HS6ST3: variants seen among roughly 807,000 people sequenced by gnomAD.
HS6ST3 encodes the protein heparan sulfate 6-O-sulfotransferase 3.
Under a neutral mutation model 36.7 loss-of-function variants are expected in HS6ST3, and 12 were observed. The observed-to-expected ratio is 0.33, with a 90% CI of 0.21 to 0.53. HS6ST3 has a LOEUF of 0.53. HS6ST3 is among the 20% of genes least tolerant of loss of function. The pLI is 0.95. For missense variants in HS6ST3, 584 were observed against 640.9 expected, an observed-to-expected ratio of 0.91 and a Z score of 0.96; for synonymous variants, 240 against 257.5, an observed-to-expected ratio of 0.93 and a Z score of 0.65.
In HS6ST3 at chr13:96,091,029, G is replaced by T. The variant is rs1409215736; in HGVS notation, c.167G>T (p.Arg56Leu). ...AGPPAVPGPA[R>L]RAQAPPEEWE... ...CCGCCCGCCGTCCCGGGTCCCGCCCGCCGGGCTCAGGCGCCGCCGGAGGAG... is the reference window on the plus strand; with the variant it reads ...CCGCCCGCCGTCCCGGGTCCCGCCCTCCGGGCTCAGGCGCCGCCGGAGGAG... Residue 56 changes from arginine (R) to leucine (L), a missense_variant, in exon 1 of 2, where the codon CGC becomes CTC. Physicochemically the swap from Arg to Leu is moderately radical, Grantham distance 102 (BLOSUM62 -2). This residue lies in a region of HS6ST3 where 217 missense variants were observed against 205.4 expected (regional missense o/e 1.06). Transcript: ENST00000376705. 6 of 1,246,860 alleles carry T rather than the reference G, an allele frequency of 4.8e-6. No individual in the cohort carries two copies. The South Asian group carries it at 1.5e-4, about 31-fold the overall frequency. The allele number at this position is 1,246,860 out of a possible 1,614,324, so 77.2% of individuals were successfully genotyped here.
rs139451607 is a variant in HS6ST3 at position 96,412,892 on chromosome 13, A to G, written c.707+321323A>G. On this transcript the variant is annotated intron_variant, in intron 1 of 1. Coordinates refer to ENST00000376705, the MANE Select transcript of HS6ST3 (RefSeq NM_153456.4). The stretch of plus-strand genomic sequence containing the variant: ...ACATATATAAGCCTTGGGCATAGTG[A>G]GTAATCAATATTTATTGAATGAACA... 3.0e-3 allele frequency among the ~76,000 whole-genome samples: 457 copies of G among 149,968 alleles called. 3 individuals are homozygous for G. The highest frequency in any genetic ancestry group is 0.011 in the African/African-American group (437 of 41,354).
At chr13:96,516,690 T>A (rs1299384809) in intron 1 of HS6ST3, among the ~76,000 whole-genome samples, 2 of 152,224 alleles carry the variant, frequency 1.3e-5, no homozygotes, top group African/African-American at 2.4e-5. Context: ...AGAATTTCAA[T>A]GAACACATTT....
At chr13:96,098,666 T>TA (rs113515964) in intron 1 of HS6ST3, among the ~76,000 whole-genome samples, 15 of 151,304 alleles carry the variant, frequency 9.9e-5, no homozygotes, top group Middle Eastern at 3.4e-3. Flanking sequence ...TAAAAATAAA[T>TA]AAATAAAATA....
intron 1 of HS6ST3, among the ~76,000 whole-genome samples, chr13:96,538,827 T>A (rs141087809): frequency 1.3e-5 from 2 of 152,234 alleles, no homozygotes; most frequent in African/African-American, 4.8e-5. Flanking sequence ...CTAAAAATAT[T>A]TGCGCCTTTT....
chr13:96,665,191 T>C (rs2056659498), intron 1 of HS6ST3, among the ~76,000 whole-genome samples: 1 of 152,000 alleles, frequency 6.6e-6, no homozygotes, highest in African/African-American at 2.4e-5. Context: ...AATAAATAAA[T>C]AAACAAGGCC....
At chr13:96,690,708 C>G (rs1231847873) in intron 1 of HS6ST3, among the ~76,000 whole-genome samples, 1 of 152,062 alleles carries the variant, frequency 6.6e-6, no homozygotes, top group African/African-American at 2.4e-5. Context: ...GTGCAGCAAT[C>G]ATTACTCTGC....
chr13:96,732,828 T>C (rs1876194402), intron 1 of HS6ST3, among the ~76,000 whole-genome samples: 1 of 100,906 alleles, frequency 9.9e-6, no homozygotes, highest in Non-Finnish European at 2.0e-5. Context: ...TCCATCAACG[T>C]TTTATAGTTT....
At chr13:96,263,336 T>C (rs1296307145) in intron 1 of HS6ST3, among the ~76,000 whole-genome samples, 2 of 152,116 alleles carry the variant, frequency 1.3e-5, no homozygotes, top group Non-Finnish European at 2.9e-5. Flanking sequence ...CCTTTGAGAG[T>C]TCAAGGAGCC....
rs563526558 is a variant in HS6ST3 at position 96,293,187 on chromosome 13, A to C, written c.707+201618A>C. 2.6e-5 allele frequency among the ~76,000 whole-genome samples: 4 copies of C among 152,252 alleles called. No homozygotes were observed. In the South Asian group the frequency reaches 8.3e-4, roughly 32 times the overall value. On this transcript the variant is annotated intron_variant, in intron 1 of 1. Coordinates refer to ENST00000376705, the MANE Select transcript of HS6ST3 (RefSeq NM_153456.4). ...TAGGAGCATGACCATCTTTTATTTGATATTTCTTCAGAATAAAATAGGAAC... is the reference window on the plus strand; with the variant it reads ...TAGGAGCATGACCATCTTTTATTTGCTATTTCTTCAGAATAAAATAGGAAC...
intron 1 of HS6ST3, among the ~76,000 whole-genome samples, chr13:96,403,590 G>C (rs1329796720): frequency 6.6e-6 from 1 of 151,574 alleles, no homozygotes; most frequent in Admixed American, 6.6e-5. Flanking sequence ...GTCTCTTCAA[G>C]AAGAAAAAAA....
chr13:96,224,145 C>T (rs1003448425), intron 1 of HS6ST3, among the ~76,000 whole-genome samples: 1 of 152,100 alleles, frequency 6.6e-6, no homozygotes, highest in Non-Finnish European at 1.5e-5. Context: ...TCGAGATGTT[C>T]TAATTTCCGA....
intron 1 of HS6ST3, among the ~76,000 whole-genome samples, chr13:96,802,970 A>G (rs1179857796): frequency 1.3e-5 from 2 of 152,192 alleles, no homozygotes; most frequent in African/African-American, 2.4e-5. Flanking sequence ...ACATCAGTAC[A>G]TAACCTCCCT....
At position 96,568,708 on chromosome 13, in the gene HS6ST3, C is replaced by T. The variant is rs72642774; in HGVS notation, c.708-263782C>T. Among the ~76,000 whole-genome samples the T allele has an allele frequency of 5.0e-3, 765 of 152,294 alleles. 7 individuals are homozygous for T. Among genetic ancestry groups the T allele is most frequent in the Middle Eastern group, 0.014 (4 of 294 alleles). The stretch of plus-strand genomic sequence containing the variant: ...ACACAGGGTTTGGGAATGGATTATA[C>T]ATACCATATGCCATATATTTTAATC... On this transcript the variant is annotated intron_variant, in intron 1 of 1. Transcript: ENST00000376705.
intron 1 of HS6ST3, among the ~76,000 whole-genome samples, chr13:96,385,180 C>A (rs1335010630): frequency 1.7e-3 from 216 of 129,306 alleles, no homozygotes; most frequent in South Asian, 2.3e-3. Context: ...ACTCTGTATC[C>A]AAAAAAAAAA....
chr13:96,255,269 T>A (rs963643992), intron 1 of HS6ST3, among the ~76,000 whole-genome samples: 4 of 152,108 alleles, frequency 2.6e-5, no homozygotes, highest in Non-Finnish European at 4.4e-5. Context: ...TTATCCTATT[T>A]TATTGCATGA....
At chr13:96,756,157 G>A (rs189048943) in intron 1 of HS6ST3, among the ~76,000 whole-genome samples, 2 of 152,130 alleles carry the variant, frequency 1.3e-5, no homozygotes, top group Admixed American at 6.5e-5. Flanking sequence ...CTTTTGTGAC[G>A]TGTCTGTTCA....
chr13:96,372,557 C>G (rs2055294896), intron 1 of HS6ST3, among the ~76,000 whole-genome samples: 3 of 151,972 alleles, frequency 2.0e-5, no homozygotes, highest in Non-Finnish European at 4.4e-5. Flanking sequence ...AATGTATTGC[C>G]CAGACCAATG....
chr13:96,100,342 C>T (rs915959255), intron 1 of HS6ST3, among the ~76,000 whole-genome samples: 2 of 152,036 alleles, frequency 1.3e-5, no homozygotes, highest in African/African-American at 2.4e-5. Flanking sequence ...GGTAGCTTTA[C>T]AGTTCCTGGC....
intron 1 of HS6ST3, among the ~76,000 whole-genome samples, chr13:96,785,846 G>A (rs1877635021): frequency 1.3e-5 from 2 of 152,180 alleles, no homozygotes; most frequent in African/African-American, 4.8e-5. Flanking sequence ...CAGAAATATT[G>A]CTCTGTAAGT....
Sources: gnomAD v4.1 joint callset for allele counts (sites outside exome capture counted in the v4.1 genomes callset) on GRCh38, gnomAD v4.1.1 for gene constraint, gnomAD v4.1.1 regional missense constraint, MANE v1.5 for transcripts, NCBI Gene and HGNC (gene_info 2026-07-23, HGNC 2026-07-21) for gene names.